Variants in CAB39L observed in about 807,000 individuals in gnomAD.
CAB39L encodes the protein calcium binding protein 39 like.
Under a neutral mutation model 39.1 loss-of-function variants are expected in CAB39L, and 23 were observed. The observed-to-expected ratio is 0.59, with a 90% CI of 0.42 to 0.83. CAB39L has a LOEUF of 0.83. CAB39L is among the 40% of genes least tolerant of loss of function. CAB39L has a pLI of 0.00. For synonymous variants in CAB39L, 126 were observed against 137.2 expected, an observed-to-expected ratio of 0.92 and a Z score of 0.57; for missense variants, 366 against 391.9, an observed-to-expected ratio of 0.93 and a Z score of 0.56.
chr13:49,362,150 T>C (rs1279954238), intron 5 of CAB39L, among the ~76,000 whole-genome samples: 4 of 151,942 alleles, frequency 2.6e-5, no homozygotes, highest in Non-Finnish European at 2.9e-5. Flanking sequence ...AAATTAAGGA[T>C]TATTGAGATT....
chr13:49,435,563 T>C (rs967678582), intron 1 of CAB39L, among the ~76,000 whole-genome samples: 1 of 152,184 alleles, frequency 6.6e-6, no homozygotes, highest in Admixed American at 6.5e-5. Flanking sequence ...TGCAGCGGCA[T>C]GATCTGGGCT....
intron 1 of CAB39L, among the ~76,000 whole-genome samples, chr13:49,437,990 A>C (rs1414692419): frequency 6.7e-6 from 1 of 148,706 alleles, no homozygotes; most frequent in Admixed American, 6.6e-5. Context: ...ACGCCCAGTT[A>C]ATTTTTTTAT....
At chr13:49,421,797 A>C (rs1471943524) in intron 3 of CAB39L, among the ~76,000 whole-genome samples, 2 of 152,112 alleles carry the variant, frequency 1.3e-5, no homozygotes, top group Non-Finnish European at 2.9e-5. Context: ...CAGGGAGAGA[A>C]CCAAGCCCCT....
chr13:49,421,688 A>C (rs1957173513), intron 3 of CAB39L, among the ~76,000 whole-genome samples: 1 of 151,966 alleles, frequency 6.6e-6, no homozygotes, highest in Non-Finnish European at 1.5e-5. Flanking sequence ...CTACCTCCTA[A>C]TGAGAGGGGT....
At chr13:49,443,005 C>T (rs997441956) in intron 1 of CAB39L, among the ~76,000 whole-genome samples, 3 of 149,426 alleles carry the variant, frequency 2.0e-5, no homozygotes, top group Non-Finnish European at 4.4e-5. Flanking sequence ...AAATATTAGC[C>T]TTTCATCAGC....
chr13:49,378,898 G>A (rs1956184882), intron 4 of CAB39L, among the ~76,000 whole-genome samples: 20 of 48,982 alleles, frequency 4.1e-4, no homozygotes, highest in South Asian at 9.7e-4. Context: ...AGGTGGGGGG[G>A]GTCAGCCCCC....
chr13:49,421,507 T>C (rs1455340265), intron 3 of CAB39L, among the ~76,000 whole-genome samples: 1 of 152,152 alleles, frequency 6.6e-6, no homozygotes, highest in Non-Finnish European at 1.5e-5. Context: ...TTTAGGAGCC[T>C]GGACTTGCAG....
chr13:49,342,245 G>A (rs2138431509), intron 8 of CAB39L, among the ~76,000 whole-genome samples: 1 of 152,168 alleles, frequency 6.6e-6, no homozygotes, highest in East Asian at 1.9e-4. Flanking sequence ...CCTATTATGT[G>A]CCCAACTATA....
chr13:49,377,812 ACCC>A (rs1647515792), intron 4 of CAB39L, among the ~76,000 whole-genome samples: 1 of 86,602 alleles, frequency 1.2e-5, no homozygotes, highest in Admixed American at 9.9e-5. Context: ...CCCGGCCGCC[ACCC>A]CGTCTGGGAT....
intron 6 of CAB39L, among the ~76,000 whole-genome samples, chr13:49,353,815 C>T (rs1955419487): frequency 6.6e-6 from 1 of 152,086 alleles, no homozygotes; most frequent in African/African-American, 2.4e-5. Flanking sequence ...CTCTCCTCCC[C>T]TATCCCCATC....
At chr13:49,368,799 G>C (rs1955836829) in intron 5 of CAB39L, among the ~76,000 whole-genome samples, 1 of 152,024 alleles carries the variant, frequency 6.6e-6, no homozygotes, top group Non-Finnish European at 1.5e-5. Flanking sequence ...TAAGAAAAGA[G>C]AAAAGGAGGG....
At chr13:49,413,535 A>G (rs540783510) in intron 3 of CAB39L, among the ~76,000 whole-genome samples, 65 of 152,264 alleles carry the variant, frequency 4.3e-4, no homozygotes, top group Non-Finnish European at 8.8e-4. Context: ...ACGGAAAGAG[A>G]GGTAGGGAAA....
chr13:49,341,532 A>G (rs1457393876), intron 8 of CAB39L, among the ~76,000 whole-genome samples: 1 of 152,196 alleles, frequency 6.6e-6, no homozygotes, highest in African/African-American at 2.4e-5. Flanking sequence ...GGATGCCTCT[A>G]GCAATAAAAA....
At chr13:49,435,458 T>A (rs1957393886) in intron 1 of CAB39L, among the ~76,000 whole-genome samples, 2 of 152,216 alleles carry the variant, frequency 1.3e-5, no homozygotes, top group Admixed American at 6.5e-5. Context: ...AAAAATGCTT[T>A]AACATAGCTT....
intron 10 of CAB39L, among the ~76,000 whole-genome samples, chr13:49,313,413 G>A (rs1418782578): frequency 6.0e-5 from 9 of 151,068 alleles, no homozygotes; most frequent in African/African-American, 1.5e-4. Context: ...CCCAGGAGGC[G>A]AAGCTTGCAG....
chr13:49,337,081 G>A (rs964476500), intron 9 of CAB39L, among the ~76,000 whole-genome samples: 1 of 152,208 alleles, frequency 6.6e-6, no homozygotes, highest in African/African-American at 2.4e-5. Context: ...AGGAAACCAG[G>A]TCATGGCTGA....
intron 9 of CAB39L, among the ~76,000 whole-genome samples, chr13:49,333,640 C>T (rs1175898772): frequency 6.9e-6 from 1 of 144,030 alleles, no homozygotes; most frequent in Non-Finnish European, 1.5e-5. Flanking sequence ...GGCGCGATCT[C>T]GGCTCACTGC....
At chr13:49,368,778 C>T (rs1594000288) in intron 5 of CAB39L, among the ~76,000 whole-genome samples, 1 of 151,924 alleles carries the variant, frequency 6.6e-6, no homozygotes, top group Non-Finnish European at 1.5e-5. Context: ...GAAGTATTAA[C>T]TCAAATCAAA....
chr13:49,333,090 T>C (rs545863195), intron 9 of CAB39L, among the ~76,000 whole-genome samples: 1 of 152,166 alleles, frequency 6.6e-6, no homozygotes, highest in Non-Finnish European at 1.5e-5. Flanking sequence ...TTGCCTGTGA[T>C]GTATCTTTTG....
Sources: gnomAD v4.1 joint callset for allele counts (sites outside exome capture counted in the v4.1 genomes callset) on GRCh38, gnomAD v4.1.1 for gene constraint, MANE v1.5 for transcripts, NCBI Gene and HGNC (gene_info 2026-07-23, HGNC 2026-07-21) for gene names.